NELL1: variants seen among roughly 807,000 people sequenced by gnomAD.
NELL1 encodes the protein neural EGFL like 1, also known as protein kinase C-binding protein NELL1.
A neutral mutation model predicts 107.4 loss-of-function variants in NELL1; 76 were observed. That is an observed-to-expected ratio of 0.71 (90% CI 0.59 to 0.86). The LOEUF (loss-of-function observed/expected upper bound fraction) is 0.86, where lower values mean the gene tolerates loss of function less well. Among genes scored for constraint, NELL1 ranks in the 40% least tolerant of loss-of-function variants. NELL1 has a pLI of 0.00. For synonymous variants in NELL1, 353 were observed against 341.2 expected, an observed-to-expected ratio of 1.03 and a Z score of -0.38; for missense variants, 1,024 against 1,005.5, an observed-to-expected ratio of 1.02 and a Z score of -0.25.
At chr11:21,563,622 T>C (rs1856901527) in intron 17 of NELL1, among the ~76,000 whole-genome samples, 1 of 152,036 alleles carries the variant, frequency 6.6e-6, no homozygotes, top group Non-Finnish European at 1.5e-5. Flanking sequence ...TTAAAGTATA[T>C]GGGAGGATAT....
intron 14 of NELL1, among the ~76,000 whole-genome samples, chr11:21,243,509 T>TACAAATAGTATCCTTTTC (rs1472447911): frequency 1.3e-5 from 2 of 152,070 alleles, no homozygotes; most frequent in South Asian, 4.1e-4. Flanking sequence ...GAAGACTGTA[T>TACAAATAGTATCCTTTTC]TTGTAGAAGG....
At chr11:21,286,616 T>A (rs1849122737) in intron 14 of NELL1, among the ~76,000 whole-genome samples, 2 of 152,222 alleles carry the variant, frequency 1.3e-5, no homozygotes, top group African/African-American at 4.8e-5. Flanking sequence ...TGGCTTCTAT[T>A]TAGCAATGGG....
chr11:21,177,013 A>G (rs779550836), intron 13 of NELL1, among the ~76,000 whole-genome samples: 5 of 151,748 alleles, frequency 3.3e-5, no homozygotes, highest in Admixed American at 6.6e-5. Flanking sequence ...GATTACAATG[A>G]TGTCTCAATA....
intron 12 of NELL1, among the ~76,000 whole-genome samples, chr11:21,075,492 G>A (rs746306506): frequency 1.6e-4 from 24 of 152,010 alleles, no homozygotes; most frequent in Admixed American, 2.6e-4. Flanking sequence ...TTGAGACAGG[G>A]TCTCACTCTG....
intron 15 of NELL1, among the ~76,000 whole-genome samples, chr11:21,471,744 A>G (rs1854189231): frequency 6.6e-6 from 1 of 152,162 alleles, no homozygotes; most frequent in African/African-American, 2.4e-5. Flanking sequence ...AACATGAGAT[A>G]CTAAATAAGT....
chr11:20,743,529 G>T (rs1001206508), intron 2 of NELL1, among the ~76,000 whole-genome samples: 4 of 152,094 alleles, frequency 2.6e-5, no homozygotes, highest in African/African-American at 9.7e-5. Flanking sequence ...GTAATTAGTT[G>T]TATATCTTCT....
chr11:21,162,750 G>A (rs10766771), intron 13 of NELL1, among the ~76,000 whole-genome samples: 120,821 of 152,112 alleles, frequency 0.79, 48,098 homozygotes, highest in Admixed American at 0.84. Context: ...AAACAGAGCC[G>A]GAGACTGTTT....
At chr11:21,163,431 T>C (rs1367458668) in intron 13 of NELL1, among the ~76,000 whole-genome samples, 1 of 152,104 alleles carries the variant, frequency 6.6e-6, no homozygotes, top group African/African-American at 2.4e-5. Flanking sequence ...TCAATGGTAG[T>C]TAAGATGGGT....
At chr11:21,132,790 G>A (rs1427144960) in intron 13 of NELL1, among the ~76,000 whole-genome samples, 2 of 152,056 alleles carry the variant, frequency 1.3e-5, no homozygotes, top group Non-Finnish European at 2.9e-5. Context: ...GGGGAGGGGA[G>A]TGTTAGAGGG....
intron 13 of NELL1, among the ~76,000 whole-genome samples, chr11:21,147,836 CAAAAAA>C (rs35688285): frequency 6.2e-4 from 18 of 28,814 alleles, no homozygotes; most frequent in African/African-American, 1.7e-3. Context: ...AACTCCGTCT[CAAAAAA>C]AAAAAAAAAA....
At chr11:20,873,782 T>C (rs1186681221) in intron 4 of NELL1, among the ~76,000 whole-genome samples, 1 of 151,856 alleles carries the variant, frequency 6.6e-6, no homozygotes, top group African/African-American at 2.4e-5. Context: ...TTTTTTTTTT[T>C]TTGAGACAGG....
intron 14 of NELL1, among the ~76,000 whole-genome samples, chr11:21,246,892 T>C (rs947875089): frequency 1.2e-4 from 18 of 152,268 alleles, no homozygotes; most frequent in Non-Finnish European, 2.9e-5. Context: ...CTTGCGAGAT[T>C]TATTCACTAT....
In NELL1 at chr11:21,109,942, G is replaced by A. The variant is rs147645187; in HGVS notation, c.1301-3647G>A. ...ATGGAGAGGCAATCCTTTGGCAAACGTGTTGCCATTCCATCCTCTGTTCCC... is the reference window on the plus strand; with the variant it reads ...ATGGAGAGGCAATCCTTTGGCAAACATGTTGCCATTCCATCCTCTGTTCCC... On this transcript the variant is annotated intron_variant, in intron 12 of 19. Transcript: ENST00000357134. 3.9e-3 allele frequency among the ~76,000 whole-genome samples: 598 copies of A among 152,164 alleles called. 8 individuals carry two copies. Among genetic ancestry groups the A allele is most frequent in the Non-Finnish European group, 4.0e-3 (273 of 67,972 alleles).
intron 13 of NELL1, among the ~76,000 whole-genome samples, chr11:21,191,299 T>A (rs1249533672): frequency 1.3e-5 from 2 of 151,752 alleles, no homozygotes; most frequent in Non-Finnish European, 2.9e-5. Context: ...ACCACGCATA[T>A]AGCAGCATGA....
At chr11:21,002,528 G>T (rs1852246034) in intron 12 of NELL1, among the ~76,000 whole-genome samples, 1 of 152,122 alleles carries the variant, frequency 6.6e-6, no homozygotes, top group Non-Finnish European at 1.5e-5. Flanking sequence ...ATACTGCAGA[G>T]CAAGGGTTAG....
intron 12 of NELL1, among the ~76,000 whole-genome samples, chr11:21,002,101 G>A (rs1852234347): frequency 1.3e-5 from 2 of 152,162 alleles, no homozygotes; most frequent in South Asian, 2.1e-4. Flanking sequence ...CAACTGAGTA[G>A]CAAGGTCTTT....
intron 15 of NELL1, among the ~76,000 whole-genome samples, chr11:21,522,844 T>C (rs1325552750): frequency 2.3e-5 from 3 of 129,154 alleles, no homozygotes; most frequent in East Asian, 2.2e-4. Flanking sequence ...CTTTTTTTTT[T>C]TTTTTTTTTT....
Position 21,230,926 on chromosome 11 carries a change from GA to G in NELL1, c.1549+1473del, listed in dbSNP as rs1410949729. 9.2e-5 allele frequency among the ~76,000 whole-genome samples: 14 copies of G among 152,242 alleles called. No individual in the cohort carries two copies. In the South Asian group the frequency reaches 2.7e-3, roughly 29 times the overall value. ...TTCTAAAAAAGCACAGGTTCATGAA[GA>G]GGGGGAAATGTGCATAGAATTTTTT... is the stretch of plus-strand genomic sequence containing the variant. On this transcript the variant is annotated intron_variant, in intron 14 of 19. Transcript: ENST00000357134.
At chr11:20,963,538 G>A (rs958005015) in intron 12 of NELL1, among the ~76,000 whole-genome samples, 1 of 152,068 alleles carries the variant, frequency 6.6e-6, no homozygotes, top group East Asian at 1.9e-4. Context: ...ATTCTTTTAT[G>A]ATTACATTTA....
Sources: gnomAD v4.1 joint callset for allele counts (sites outside exome capture counted in the v4.1 genomes callset) on GRCh38, gnomAD v4.1.1 for gene constraint, MANE v1.5 for transcripts, NCBI Gene and HGNC (gene_info 2026-07-23, HGNC 2026-07-21) for gene names.